Variants in COLEC12 observed in about 807,000 individuals in gnomAD.
COLEC12 encodes collectin subfamily member 12, also known as collectin-12.
A neutral mutation model predicts 71.1 loss-of-function variants in COLEC12; 33 were observed. The observed-to-expected ratio is 0.46, with a 90% CI of 0.35 to 0.62. The LOEUF (loss-of-function observed/expected upper bound fraction) is 0.62. COLEC12 is among the 20% of genes least tolerant of loss of function. The pLI is 0.00. For synonymous variants in COLEC12, 350 were observed against 353.0 expected (o/e 0.99, Z 0.10); for missense variants, 765 against 916.1 (o/e 0.84, Z 2.13).
chr18:364,436 A>G (rs897626868), intron 2 of COLEC12, among the ~76,000 whole-genome samples: 2 of 152,156 alleles, frequency 1.3e-5, no homozygotes, highest in Non-Finnish European at 2.9e-5. Context: ...GAGCTCAACC[A>G]TCACATCTCT....
rs977180678 is a variant in COLEC12, at chr18:399,962, T to C, written c.59-42440A>G. Among the ~76,000 whole-genome samples, 6 of 152,198 alleles carry C rather than the reference T, an allele frequency of 3.9e-5. No individual in the cohort carries two copies. The highest frequency in any genetic ancestry group is 3.9e-4 in the Admixed American group (6 of 15,276). On this transcript the variant is annotated intron_variant, in intron 2 of 9. Coordinates refer to ENST00000400256, the MANE Select transcript of COLEC12 (RefSeq NM_130386.3). This position sits in a 1 kb window ranked among gnomAD's most constrained non-coding sequence, Gnocchi z 4.0. ...GGTGGTGGGGGCGGGTGGGGGATAG[T>C]GACTGAAGAGGCTGTATTTATTGGG... is the stretch of plus-strand genomic sequence containing the variant.
intron 1 of COLEC12, among the ~76,000 whole-genome samples, chr18:486,492 A>C (rs934573888): frequency 2.6e-5 from 4 of 152,120 alleles, no homozygotes; most frequent in Admixed American, 2.0e-4. Flanking sequence ...GCTGCATTTT[A>C]TTATGTTTCT....
intron 2 of COLEC12, among the ~76,000 whole-genome samples, chr18:368,588 G>A (rs549704000): frequency 6.6e-6 from 1 of 151,834 alleles, no homozygotes; most frequent in African/African-American, 2.4e-5. Flanking sequence ...AACAAGGCCG[G>A]GCGCGGTGGC....
intron 2 of COLEC12, among the ~76,000 whole-genome samples, chr18:366,005 C>T (rs989949904): frequency 5.9e-5 from 9 of 152,234 alleles, no homozygotes; most frequent in African/African-American, 2.2e-4. Context: ...TCCTTCGACC[C>T]CAGAATTCTG....
chr18:493,006 G>A (rs1046642277), intron 1 of COLEC12, among the ~76,000 whole-genome samples: 6 of 152,060 alleles, frequency 3.9e-5, no homozygotes, highest in Admixed American at 3.3e-4. Flanking sequence ...AGTTTGAGAC[G>A]AGCCTGAGCA....
In COLEC12 at chr18:409,090, C is replaced by T. The variant is rs375574639; in HGVS notation, c.59-51568G>A. On this transcript the variant is annotated intron_variant, in intron 2 of 9. Transcript: ENST00000400256. ...ACCTCAAGTGATCCGCCTGCCTCAG[C>T]CTCCCAAAGTGCTGGGATTACAAGT... Among the ~76,000 whole-genome samples, 42 of 150,182 alleles carry T rather than the reference C, an allele frequency of 2.8e-4. No individual in the cohort carries two copies. The East Asian group carries it at 7.4e-3, about 26-fold the overall frequency.
chr18:470,357 A>G (rs962634556), intron 2 of COLEC12, among the ~76,000 whole-genome samples: 11 of 146,882 alleles, frequency 7.5e-5, no homozygotes. Context: ...TCAGCCTCCC[A>G]AGCAGCTGGG....
intron 2 of COLEC12, among the ~76,000 whole-genome samples, chr18:378,495 T>C (rs1915161881): frequency 6.6e-6 from 1 of 152,184 alleles, no homozygotes; most frequent in Non-Finnish European, 1.5e-5. Flanking sequence ...CACGGGTTTT[T>C]CAGCCAACAC....
chr18:401,207 C>G (rs1451161136), intron 2 of COLEC12, among the ~76,000 whole-genome samples: 1 of 152,216 alleles, frequency 6.6e-6, no homozygotes, highest in African/African-American at 2.4e-5. Flanking sequence ...CTTTTTGGTA[C>G]TATCTGCATT....
chr18:322,988 G>A (rs1913748023), intron 8 of COLEC12, among the ~76,000 whole-genome samples: 1 of 152,170 alleles, frequency 6.6e-6, no homozygotes, highest in South Asian at 2.1e-4. Context: ...GTTTTGGGGG[G>A]CTGAGGCAGA....
intron 2 of COLEC12, among the ~76,000 whole-genome samples, chr18:439,168 C>G (rs1167368653): frequency 6.6e-6 from 1 of 152,204 alleles, no homozygotes; most frequent in Admixed American, 6.5e-5. Context: ...CTTGTTCAAA[C>G]TTTCACAATG....
chr18:469,011 G>A (rs771612716), intron 2 of COLEC12, among the ~76,000 whole-genome samples: 4 of 152,258 alleles, frequency 2.6e-5, no homozygotes, highest in African/African-American at 2.4e-5. Flanking sequence ...AGCTGTGGCC[G>A]ATGGCGTGCG....
rs368171105 is a variant in COLEC12 at position 479,021 on chromosome 18, TTCTC to T, written c.58+1682_58+1685del. Reference sequence around the variant, plus strand: ...CAAGGTCACCCTTTCTAAAGAGACTTTCTCTCTTGGTTCTTCATATTTCTACTGA... The same window carrying T: ...CAAGGTCACCCTTTCTAAAGAGACTTTCTTGGTTCTTCATATTTCTACTGA... On this transcript the variant is annotated intron_variant, in intron 2 of 9. Coordinates refer to ENST00000400256, the MANE Select transcript of COLEC12 (RefSeq NM_130386.3). Among the ~76,000 whole-genome samples, 35 of 152,308 alleles carry T rather than the reference TTCTC, an allele frequency of 2.3e-4. 1 individual carries two copies. The East Asian group carries it at 2.9e-3, about 13-fold the overall frequency.
At chr18:415,863 C>A (rs777719049) in intron 2 of COLEC12, among the ~76,000 whole-genome samples, 1 of 152,180 alleles carries the variant, frequency 6.6e-6, no homozygotes, top group Non-Finnish European at 1.5e-5. Context: ...TATTCAGTTG[C>A]CTGTCATAGT....
At chr18:356,153 A>G (rs1598336633) in intron 3 of COLEC12, among the ~76,000 whole-genome samples, 1 of 152,360 alleles carries the variant, frequency 6.6e-6, no homozygotes, top group Middle Eastern at 3.4e-3. Context: ...AGGAAGAAGC[A>G]AGGAACAGAG....
chr18:340,545 C>CCA (rs1914227748), intron 5 of COLEC12, among the ~76,000 whole-genome samples: 1 of 152,186 alleles, frequency 6.6e-6, no homozygotes. Flanking sequence ...GTGCCCAGCC[C>CCA]AGTTTCCTAC....
intron 2 of COLEC12, among the ~76,000 whole-genome samples, chr18:454,673 ACT>A (rs1797740843): frequency 6.6e-6 from 1 of 152,022 alleles, no homozygotes; most frequent in Non-Finnish European, 1.5e-5. Flanking sequence ...TAAAAGTGAG[ACT>A]CTGTCTCCAA....
intron 2 of COLEC12, among the ~76,000 whole-genome samples, chr18:359,598 CA>C (rs1598337928): frequency 6.6e-6 from 1 of 152,186 alleles, no homozygotes; most frequent in East Asian, 1.9e-4. Context: ...ATCAATGCTG[CA>C]AGTGACTCCA....
intron 2 of COLEC12, among the ~76,000 whole-genome samples, chr18:428,856 GC>G (rs140386920): frequency 0.12 from 19,002 of 152,180 alleles, 1,566 homozygotes; most frequent in Middle Eastern, 0.2. Context: ...TTGCTCAAGA[GC>G]AAATTTTCTA....
Sources: gnomAD v4.1 joint callset for allele counts (sites outside exome capture counted in the v4.1 genomes callset) on GRCh38, gnomAD v4.1.1 for gene constraint, Gnocchi (gnomAD v3.1) non-coding constraint, MANE v1.5 for transcripts, NCBI Gene and HGNC (gene_info 2026-07-23, HGNC 2026-07-21) for gene names.